Variants in PIK3CD observed in about 807,000 individuals in gnomAD.
PIK3CD encodes the protein phosphatidylinositol-4,5-bisphosphate 3-kinase catalytic subunit delta.
Under a neutral mutation model 122.9 loss-of-function variants are expected in PIK3CD, and 20 were observed. The observed-to-expected ratio is 0.16, with a 90% CI of 0.11 to 0.24. The LOEUF is 0.24. PIK3CD is among the 10% of genes least tolerant of loss of function. The probability of loss-of-function intolerance (pLI) is 1.00; values close to 1 mark genes in which losing one functional copy is unlikely to be tolerated. For synonymous variants in PIK3CD, 596 were observed against 593.4 expected (o/e 1.00, Z -0.06); for missense variants, 787 against 1,406.3 (o/e 0.56, Z 7.04).
the PIK3CD span, among the ~76,000 whole-genome samples, chr1:9,632,615 A>G: frequency 6.6e-6 from 1 of 152,158 alleles, no homozygotes; most frequent in Non-Finnish European, 1.5e-5. Context: ...GCAATATACA[A>G]AGCACGCGCT....
upstream of PIK3CD, among the ~76,000 whole-genome samples, chr1:9,647,497 ATTATTATT>A (rs1455249565): frequency 6.8e-6 from 1 of 146,980 alleles, no homozygotes; most frequent in East Asian, 2.0e-4. Flanking sequence ...TATTATTATT[ATTATTATT>A]ATTATTATTA....
chr1:9,725,840 G>T (rs1425657891), intron 23 of PIK3CD, among the ~76,000 whole-genome samples: 1 of 152,052 alleles, frequency 6.6e-6, no homozygotes, highest in African/African-American at 2.4e-5. Context: ...TCATGCCACT[G>T]CACTCTAGCC....
At chr1:9,631,466 A>G in the PIK3CD span, among the ~76,000 whole-genome samples, 2 of 152,180 alleles carry the variant, frequency 1.3e-5, no homozygotes, top group Non-Finnish European at 2.9e-5. Flanking sequence ...ACCAGCCTGG[A>G]CAACATGGTG....
At chr1:9,649,741 C>T (rs1237694714), upstream of PIK3CD, among the ~76,000 whole-genome samples, 1 of 152,194 alleles carries the variant, frequency 6.6e-6, no homozygotes, top group Non-Finnish European at 1.5e-5. Context: ...ACTGGCTCAC[C>T]CTTCACCCTA....
At chr1:9,703,227 C>T (rs1646712714) in intron 2 of PIK3CD, among the ~76,000 whole-genome samples, 1 of 152,226 alleles carries the variant, frequency 6.6e-6, no homozygotes, top group Non-Finnish European at 1.5e-5. Flanking sequence ...ATATGGCCAT[C>T]CTGGAATCCT....
chr1:9,675,762 G>GT (rs1401353362), intron 1 of PIK3CD, among the ~76,000 whole-genome samples: 9 of 120,048 alleles, frequency 7.5e-5, no homozygotes, highest in African/African-American at 2.8e-4. Context: ...GTTTGTTTTT[G>GT]TTTTGTTTTT....
chr1:9,631,127 C>G, the PIK3CD span, among the ~76,000 whole-genome samples: 1 of 152,192 alleles, frequency 6.6e-6, no homozygotes, highest in Non-Finnish European at 1.5e-5. Flanking sequence ...CTTCTCAGTG[C>G]CACTCACCTG....
chr1:9,675,428 T>C (rs918675054), intron 1 of PIK3CD, among the ~76,000 whole-genome samples: 1 of 148,842 alleles, frequency 6.7e-6, no homozygotes, highest in East Asian at 2.0e-4. Context: ...GTTTGGTAAG[T>C]ACTACTGTGA....
intron 1 of PIK3CD, among the ~76,000 whole-genome samples, chr1:9,675,009 C>G (rs1645464219): frequency 7.0e-6 from 1 of 142,324 alleles, no homozygotes; most frequent in Non-Finnish European, 1.5e-5. Flanking sequence ...GCACTCTAGC[C>G]TGGGCAATGT....
chr1:9,629,799 C>T, the PIK3CD span, among the ~76,000 whole-genome samples: 1 of 152,228 alleles, frequency 6.6e-6, no homozygotes, highest in African/African-American at 2.4e-5. Context: ...GCCGGGACCG[C>T]CCCTGAGCAC....
chr1:9,699,606 T>A (rs1385342851), intron 2 of PIK3CD, among the ~76,000 whole-genome samples: 1 of 151,980 alleles, frequency 6.6e-6, no homozygotes. Context: ...CTTTCTTTTT[T>A]TTTTTTTGAG....
intron 2 of PIK3CD, among the ~76,000 whole-genome samples, chr1:9,709,104 AC>A (rs1158590736): frequency 1.3e-5 from 2 of 151,888 alleles, no homozygotes; most frequent in South Asian, 2.1e-4. Flanking sequence ...ATCTCGGCTC[AC>A]TGCAACCTCC....
intron 1 of PIK3CD, chr1:9,688,275 C>T (rs1470098381): frequency 6.6e-6 from 1 of 152,386 alleles, no homozygotes; most frequent in Admixed American, 6.5e-5. Flanking sequence ...TTCTGGTGCT[C>T]GCACCCCGCT....
At chr1:9,707,801 T>G (rs974421289) in intron 2 of PIK3CD, among the ~76,000 whole-genome samples, 12 of 88,014 alleles carry the variant, frequency 1.4e-4, no homozygotes, top group African/African-American at 1.2e-4. Flanking sequence ...TATAATTTTG[T>G]TTTTTTTTTT....
In PIK3CD at chr1:9,720,692, C is replaced by T. The variant is rs777433993; in HGVS notation, c.1521+31C>T. On this transcript the variant is annotated intron_variant, in intron 12 of 23. Coordinates refer to ENST00000377346, the MANE Select transcript of PIK3CD (RefSeq NM_005026.5). The surrounding 1 kb of genome is among the most constrained non-coding windows in gnomAD (Gnocchi z 9.0). ...TGGGGTGGGGGTGTGGGGTGGGGGG[C>T]ATGGAGCCGGCGTGGAACCAGAGCC... The T allele has an allele frequency of 6.4e-7, 1 of 1,558,610 alleles. No homozygotes were observed. The highest frequency in any genetic ancestry group is 1.9e-5 in the Admixed American group (1 of 52,794).
rs1215576928 is a variant in PIK3CD, at chr1:9,722,660, CTG to C, written c.2426+57_2426+58del. On this transcript the variant is annotated intron_variant, in intron 19 of 23. Coordinates refer to ENST00000377346, the MANE Select transcript of PIK3CD (RefSeq NM_005026.5). The surrounding 1 kb of genome is among the most constrained non-coding windows in gnomAD (Gnocchi z 7.6). ...TGGTGTCTGTGCCCAGCCTGGGAGT[CTG>C]TGCCCCTGGAGGGGTCCTTGTTGAA... 2 of 1,459,750 alleles carry C rather than the reference CTG, an allele frequency of 1.4e-6. No individual in the cohort carries two copies. The highest frequency in any genetic ancestry group is 1.9e-6 in the Non-Finnish European group (2 of 1,040,716). 90.4% of individuals were successfully genotyped at this position (1,459,750 alleles called of 1,614,324 possible). A position where few individuals can be genotyped will look rare whatever the true frequency, so the allele number is the denominator to read the frequency against.
At chr1:9,653,888 G>C (rs1431342969) in intron 1 of PIK3CD, 4 of 1,367,304 alleles carry the variant, frequency 2.9e-6, no homozygotes, top group Admixed American at 1.9e-5. Context: ...GAAGACACTG[G>C]AGTGGGCTGG....
chr1:9,718,867 C>G lies in PIK3CD; in HGVS notation c.1194C>G (p.Ile398Met), dbSNP rs760322402. 1 of 1,613,184 alleles carries G rather than the reference C, an allele frequency of 6.2e-7. No individual in the cohort carries two copies. The highest frequency in any genetic ancestry group is 1.1e-5 in the South Asian group (1 of 91,080). Reference protein sequence around the residue: ...ARLCFALYAVIEKAKKARSTK... With the variant: ...ARLCFALYAVMEKAKKARSTK... ...TCTGCTTTGCGCTGTACGCCGTGAT[C>G]GAGAAAGCCAAGAAGGCTCGCTCCA... The change falls in exon 9 of 24, where the codon ATC becomes ATG. Residue 398 changes from isoleucine (I) to methionine (M), a missense_variant. By Grantham distance (10) the Ile-to-Met change is conservative (BLOSUM62 1). Coordinates refer to ENST00000377346, the MANE Select transcript of PIK3CD (RefSeq NM_005026.5). The surrounding 1 kb of genome is among the most constrained non-coding windows in gnomAD (Gnocchi z 7.2).
At chr1:9,643,065 T>C in the PIK3CD span, among the ~76,000 whole-genome samples, 2 of 147,842 alleles carry the variant, frequency 1.4e-5, no homozygotes, top group African/African-American at 5.0e-5. Context: ...GGGAACAAAA[T>C]CCTGTCTCAA....
Sources: gnomAD v4.1 joint callset for allele counts (sites outside exome capture counted in the v4.1 genomes callset) on GRCh38, gnomAD v4.1.1 for gene constraint, Gnocchi (gnomAD v3.1) non-coding constraint, MANE v1.5 for transcripts, NCBI Gene and HGNC (gene_info 2026-07-23, HGNC 2026-07-21) for gene names.